Variants in ABHD2 observed in about 807,000 individuals in gnomAD.
ABHD2 encodes abhydrolase domain containing 2, acylglycerol lipase.
A neutral mutation model predicts 48.1 loss-of-function variants in ABHD2; 20 were observed. The observed-to-expected ratio is 0.42, with a 90% CI of 0.29 to 0.60. The LOEUF is 0.60. Among genes scored for constraint, ABHD2 ranks in the 20% least tolerant of loss-of-function variants. The pLI is 0.24. For synonymous variants in ABHD2, 209 were observed against 214.2 expected (o/e 0.98, Z 0.21); for missense variants, 405 against 550.9 (o/e 0.74, Z 2.65).
chr15:89,128,870 T>C (rs902115336), intron 3 of ABHD2, among the ~76,000 whole-genome samples: 4 of 152,158 alleles, frequency 2.6e-5, no homozygotes, highest in African/African-American at 9.6e-5. Context: ...CTGTGAGCAC[T>C]GGTGGTAGGT....
At position 89,135,013 on chromosome 15, in the gene ABHD2, T is replaced by A. The variant is rs74837915; in HGVS notation, c.195-16664T>A. ...AGGCAAGATGTAGTACAAATGCTGA[T>A]GTCAAATGTCAGCATTTTAATCCTT... On this transcript the variant is annotated intron_variant, in intron 3 of 10. Transcript: ENST00000352732. Among the ~76,000 whole-genome samples the A allele has an allele frequency of 1.7e-3, 263 of 152,324 alleles. 4 individuals are homozygous for A. Among genetic ancestry groups the A allele is most frequent in the African/African-American group, 5.7e-3 (235 of 41,580 alleles).
At chr15:89,108,797 AG>A (rs2049827504) in intron 1 of ABHD2, among the ~76,000 whole-genome samples, 1 of 152,268 alleles carries the variant, frequency 6.6e-6, no homozygotes, top group African/African-American at 2.4e-5. Context: ...TTAGTTCTTA[AG>A]AATTTTACTG....
the ABHD2 span, among the ~76,000 whole-genome samples, chr15:89,072,369 G>A: frequency 6.6e-5 from 10 of 151,980 alleles, no homozygotes; most frequent in Admixed American, 2.0e-4. Context: ...CCAGCTACTC[G>A]GGAGTCTGAG....
chr15:89,179,352 T>A lies in ABHD2; in HGVS notation c.722+3357T>A, dbSNP rs2051069962. 6.6e-6 allele frequency among the ~76,000 whole-genome samples: 1 copy of A among 152,196 alleles called. No individual in the cohort carries two copies. Among genetic ancestry groups the A allele is most frequent in the Non-Finnish European group, 1.5e-5 (1 of 68,038 alleles). The stretch of plus-strand genomic sequence containing the variant: ...ATCTGTATTTAGTCTCATTCCCCAT[T>A]GATCACATTACTGCCTGAGTTCCGC... On this transcript the variant is annotated intron_variant, in intron 6 of 10. Transcript: ENST00000352732. The surrounding 1 kb of genome is among the most constrained non-coding windows in gnomAD (Gnocchi z 4.3).
rs540218878 is a variant in ABHD2, at chr15:89,116,542, C to G, written c.194+21C>G. The G allele has an allele frequency of 6.9e-6, 11 of 1,601,224 alleles. No individual in the cohort carries two copies. The highest frequency in any genetic ancestry group is 9.4e-6 in the Non-Finnish European group (11 of 1,172,706). On this transcript the variant is annotated intron_variant, in intron 3 of 10. Coordinates refer to ENST00000352732, the MANE Select transcript of ABHD2 (RefSeq NM_152924.5). The surrounding 1 kb of genome is among the most constrained non-coding windows in gnomAD (Gnocchi z 4.6). Reference sequence around the variant, plus strand: ...AAAGAGTGAGTAGACCTCATGCCCTCTGTATGCTCAGCTGCTGATGTATTT... The same window carrying G: ...AAAGAGTGAGTAGACCTCATGCCCTGTGTATGCTCAGCTGCTGATGTATTT...
At chr15:89,148,139 A>C (rs966342572) in intron 3 of ABHD2, among the ~76,000 whole-genome samples, 1 of 151,092 alleles carries the variant, frequency 6.6e-6, no homozygotes, top group African/African-American at 2.4e-5. Context: ...AAAAAAAAAA[A>C]AACTACATAA....
chr15:89,095,061 C>G (rs2049591027), intron 1 of ABHD2, among the ~76,000 whole-genome samples: 1 of 107,650 alleles, frequency 9.3e-6, no homozygotes, highest in African/African-American at 4.7e-5. Flanking sequence ...AAGACTGTGT[C>G]TCAAAAAAAA....
chr15:89,158,448 A>G (rs2050709545), intron 5 of ABHD2, among the ~76,000 whole-genome samples: 1 of 152,198 alleles, frequency 6.6e-6, no homozygotes, highest in Admixed American at 6.5e-5. Flanking sequence ...GTCAGGGGAG[A>G]CCAGCAGCTG....
chr15:89,127,490 G>A (rs2050147332), intron 3 of ABHD2, among the ~76,000 whole-genome samples: 1 of 151,828 alleles, frequency 6.6e-6, no homozygotes, highest in African/African-American at 2.4e-5. Flanking sequence ...ACTTTCCTGT[G>A]ATATGTAGCA....
chr15:89,150,616 A>G (rs998487615), intron 3 of ABHD2, among the ~76,000 whole-genome samples: 16 of 151,772 alleles, frequency 1.1e-4, no homozygotes, highest in African/African-American at 3.9e-4. Context: ...TGTAGATTTG[A>G]TTAATTACAC....
rs528216649 is a variant in ABHD2 at position 89,174,478 on chromosome 15, A to C, written c.539-1334A>C. On this transcript the variant is annotated intron_variant, in intron 5 of 10. Coordinates refer to ENST00000352732, the MANE Select transcript of ABHD2 (RefSeq NM_152924.5). This position sits in a 1 kb window ranked among gnomAD's most constrained non-coding sequence, Gnocchi z 4.1. ...ATGCACACTGCAGCTTAAGAACTGC[A>C]TGGGGCTGTGCCGGCCTGGCTTAGG... Among the ~76,000 whole-genome samples the C allele has an allele frequency of 1.3e-5, 2 of 152,336 alleles. No homozygotes were observed. Among genetic ancestry groups the C allele is most frequent in the East Asian group, 3.9e-4 (2 of 5,182 alleles).
chr15:89,097,513 G>A lies in ABHD2; in HGVS notation c.-107+8950G>A, dbSNP rs184913127. Among the ~76,000 whole-genome samples, 5 of 152,238 alleles carry A rather than the reference G, an allele frequency of 3.3e-5. No individual in the cohort carries two copies. In the East Asian group the frequency reaches 9.6e-4, roughly 29 times the overall value. On this transcript the variant is annotated intron_variant, in intron 1 of 10. Transcript: ENST00000352732. The surrounding 1 kb of genome is among the most constrained non-coding windows in gnomAD (Gnocchi z 4.2). ...CAAGTAAGGATTAGACATTATGATTGATTGCTCTACCATTTATGTCTCTTT... is the reference window on the plus strand; with the variant it reads ...CAAGTAAGGATTAGACATTATGATTAATTGCTCTACCATTTATGTCTCTTT...
the ABHD2 span, among the ~76,000 whole-genome samples, chr15:89,082,115 C>T: frequency 6.6e-6 from 1 of 152,150 alleles, no homozygotes; most frequent in Admixed American, 6.6e-5. This position sits in a 1 kb window ranked among gnomAD's most constrained non-coding sequence, Gnocchi z 4.4. Context: ...CAACCACAGA[C>T]ATTGTCAAGT....
rs28477836 is a variant in ABHD2 at position 89,179,563 on chromosome 15, T to C, written c.722+3568T>C. Among the ~76,000 whole-genome samples, 5,491 of 152,226 alleles carry C rather than the reference T, an allele frequency of 0.036. 324 individuals are homozygous for C. The highest frequency in any genetic ancestry group is 0.12 in the African/African-American group (5,170 of 41,510). On this transcript the variant is annotated intron_variant, in intron 6 of 10. Coordinates refer to ENST00000352732, the MANE Select transcript of ABHD2 (RefSeq NM_152924.5). This position sits in a 1 kb window ranked among gnomAD's most constrained non-coding sequence, Gnocchi z 4.3. ...AAAATAAGCTCAGGGATCTCACTGA[T>C]TCTATGTTATGGTGAGTTGTAGAAT...
At chr15:89,119,284 C>T (rs551075298) in intron 3 of ABHD2, among the ~76,000 whole-genome samples, 5 of 152,234 alleles carry the variant, frequency 3.3e-5, no homozygotes, top group East Asian at 1.9e-4. Context: ...TCTAAACACC[C>T]GAGCAATCTG....
At chr15:89,083,875 C>T (rs541487272), upstream of ABHD2, among the ~76,000 whole-genome samples, 4 of 152,314 alleles carry the variant, frequency 2.6e-5, no homozygotes, top group African/African-American at 9.6e-5. This position sits in a 1 kb window ranked among gnomAD's most constrained non-coding sequence, Gnocchi z 5.1. Context: ...CAAACTTCAT[C>T]TCCATTACCA....
rs993343785 is a variant in ABHD2 at position 89,201,264 on chromosome 15, T to C, written c.*5841T>C. 2 of 1,213,894 alleles carry C rather than the reference T, an allele frequency of 1.6e-6. No individual in the cohort carries two copies. Among genetic ancestry groups the C allele is most frequent in the Non-Finnish European group, 1.2e-6 (1 of 831,830 alleles). The allele number at this position is 1,213,894 out of a possible 1,614,324, so 75.2% of individuals were successfully genotyped here. Reference sequence around the variant, plus strand: ...TGATTTGCTTCTGATAGCTTCATCATTTCTCCCTGAAGTCTTTTACACTCT... The same window carrying C: ...TGATTTGCTTCTGATAGCTTCATCACTTCTCCCTGAAGTCTTTTACACTCT... On this transcript the variant is annotated 3_prime_UTR_variant, in exon 11 of 11. Coordinates refer to ENST00000352732, the MANE Select transcript of ABHD2 (RefSeq NM_152924.5).
chr15:89,135,172 A>G (rs2050286346), intron 3 of ABHD2, among the ~76,000 whole-genome samples: 1 of 124,780 alleles, frequency 8.0e-6, no homozygotes, highest in Non-Finnish European at 1.6e-5. Flanking sequence ...GCAATTACAG[A>G]GTGGTATTCA....
At chr15:89,080,940 C>T in the ABHD2 span, among the ~76,000 whole-genome samples, 5 of 151,448 alleles carry the variant, frequency 3.3e-5, no homozygotes, top group African/African-American at 7.3e-5. Context: ...TTTCACTTTA[C>T]ATAATGTCTT....
Sources: gnomAD v4.1 joint callset for allele counts (sites outside exome capture counted in the v4.1 genomes callset) on GRCh38, gnomAD v4.1.1 for gene constraint, Gnocchi (gnomAD v3.1) non-coding constraint, MANE v1.5 for transcripts, NCBI Gene and HGNC (gene_info 2026-07-23, HGNC 2026-07-21) for gene names.